The following ERBB2 variants were observed in gnomAD, a reference collection of about 807,000 sequenced individuals.
ERBB2 encodes the protein erb-b2 receptor tyrosine kinase 2, also known as receptor tyrosine-protein kinase erbB-2.
ERBB2 carries 61 observed loss-of-function variants against 149.0 expected under a neutral mutation model. The observed-to-expected ratio is 0.41, with a 90% CI of 0.33 to 0.51. ERBB2 has a LOEUF of 0.51. Among genes scored for constraint, ERBB2 ranks in the 20% least tolerant of loss-of-function variants. The pLI is 0.25. For missense variants in ERBB2, 1,205 were observed against 1,655.1 expected, an observed-to-expected ratio of 0.73 and a Z score of 4.72; for synonymous variants, 633 against 678.8, an observed-to-expected ratio of 0.93 and a Z score of 1.05.
In ERBB2 at chr17:39,727,948, C is replaced by G. The variant is rs1383206442; in HGVS notation, c.3672C>G (p.Asp1224Glu). The change falls in exon 27 of 27, where the codon GAC becomes GAG. Residue 1224 changes from aspartate (D) to glutamate (E), a missense_variant. By Grantham distance (45) the Asp-to-Glu change is conservative (BLOSUM62 2). Transcript: ENST00000269571. This position sits in a 1 kb window ranked among gnomAD's most constrained non-coding sequence, Gnocchi z 4.3. ...SPAFDNLYYW[D>E]QDPPERGAPP... ...CCTTCGACAACCTCTATTACTGGGA[C>G]CAGGACCCACCAGAGCGGGGGGCTC... 1 of 1,614,042 alleles carries G rather than the reference C, an allele frequency of 6.2e-7. No individual in the cohort carries two copies.
At chr17:39,712,230 AG>A in intron 8 of ERBB2, 91 bp from the exon 9 acceptor site, 1 of 1,564,122 alleles carries the variant, frequency 6.4e-7, no homozygotes. Flanking sequence ...CAGTGTGGGG[AG>A]GGGCCCGGAC....
Position 39,716,209 on chromosome 17 carries a change from G to A in ERBB2, c.1514-92G>A, listed in dbSNP as rs1465805142. 13 of 1,405,020 alleles carry A rather than the reference G, an allele frequency of 9.3e-6. No homozygotes were observed. In the East Asian group the frequency reaches 3.0e-4, roughly 32 times the overall value. 87.0% of individuals were successfully genotyped at this position (1,405,020 alleles called of 1,614,324 possible). ...GGCCCCACCTGTCCCCACCCCTCCA[G>A]CCCACAGCCATGCCCACAGCCAGTT... On this transcript the variant is annotated intron_variant, in intron 12 of 26. Transcript: ENST00000269571.
chr17:39,695,695 G>GTGCA (rs1178527539), upstream of ERBB2, among the ~76,000 whole-genome samples: 2 of 90,934 alleles, frequency 2.2e-5, no homozygotes, highest in South Asian at 3.6e-4. Context: ...GGAGACTTTG[G>GTGCA]TGCATGCATA....
At chr17:39,697,354 GT>G (rs60262818), upstream of ERBB2, among the ~76,000 whole-genome samples, 1,760 of 122,082 alleles carry the variant, frequency 0.014, 36 homozygotes, top group African/African-American at 0.034. Context: ...TTTTTGTTTT[GT>G]TTTTTTTTTT....
chr17:39,694,281 ATATATATACACATATATATGTG>A (rs2057804122), upstream of ERBB2, among the ~76,000 whole-genome samples: 1 of 57,464 alleles, frequency 1.7e-5, no homozygotes, highest in African/African-American at 5.4e-5. Flanking sequence ...GTGTATATAT[ATATATATACACATATATATGTG>A]TATATATATA....
chr17:39,723,325 G>C lies in ERBB2; in HGVS notation c.1953G>C (p.Leu651=), dbSNP rs1381740076. 6.2e-7 allele frequency: 1 copy of C among 1,613,842 alleles called. No homozygotes were observed. The highest frequency in any genetic ancestry group is 2.2e-5 in the East Asian group (1 of 44,862). ...GCPAEQRASP[L]TSIISAVVGI... ...CCCTGGCTTCCGCCCCCAGCCCTCTGACGTCCATCATCTCTGCGGTGGTTG... is the reference window on the plus strand; with the variant it reads ...CCCTGGCTTCCGCCCCCAGCCCTCTCACGTCCATCATCTCTGCGGTGGTTG... Residue 651 remains leucine, a synonymous_variant, in exon 17 of 27, where the codon CTG becomes CTC. Transcript: ENST00000269571. The surrounding 1 kb of genome is among the most constrained non-coding windows in gnomAD (Gnocchi z 6.2).
In ERBB2 at chr17:39,726,663, C is replaced by T. The variant is rs1227322516; in HGVS notation, c.2970+4C>T. 3 of 1,613,648 alleles carry T rather than the reference C, an allele frequency of 1.9e-6. No homozygotes were observed. Among genetic ancestry groups the T allele is most frequent in the Non-Finnish European group, 2.5e-6 (3 of 1,179,598 alleles). On this transcript the variant is annotated splice_donor_region_variant and intron_variant, in intron 24 of 26. Transcript: ENST00000269571. The surrounding 1 kb of genome is among the most constrained non-coding windows in gnomAD (Gnocchi z 5.1). ...CCAGCGCTTTGTGGTCATCCAGGTA[C>T]TGGGCCTCTGTGCCCCATCCCTGCC... is the stretch of plus-strand genomic sequence containing the variant.
Position 39,726,967 on chromosome 17 carries a change from C to A in ERBB2, c.3123C>A (p.Gly1041=), listed in dbSNP as rs1461498927. 6.2e-7 allele frequency: 1 copy of A among 1,609,770 alleles called. No homozygotes were observed. The highest frequency in any genetic ancestry group is 8.5e-7 in the Non-Finnish European group (1 of 1,178,376). The change falls in exon 25 of 27, where the codon GGC becomes GGA. Residue 1041 remains glycine, a synonymous_variant. Transcript: ENST00000269571. The surrounding 1 kb of genome is among the most constrained non-coding windows in gnomAD (Gnocchi z 5.1). ...FCPDPAPGAG[G]MVHHRHRSSS... Reference sequence around the variant, plus strand: ...CAGACCCTGCCCCGGGCGCTGGGGGCATGGTCCACCACAGGCACCGCAGCT... The same window carrying A: ...CAGACCCTGCCCCGGGCGCTGGGGGAATGGTCCACCACAGGCACCGCAGCT...
chr17:39,712,247 T>C (rs1300980458), intron 8 of ERBB2, 75 bp from the exon 9 acceptor site: 1 of 1,597,850 alleles, frequency 6.3e-7, no homozygotes, highest in Admixed American at 1.7e-5. Flanking sequence ...CGGACCCTGA[T>C]GCTCATGTGG....
At chr17:39,691,959 C>T (rs181058740), upstream of ERBB2, among the ~76,000 whole-genome samples, 1 of 88,990 alleles carries the variant, frequency 1.1e-5, no homozygotes, top group Non-Finnish European at 2.4e-5. Context: ...ATATATATAT[C>T]TCTTGTGTCT....
Position 39,727,350 on chromosome 17 carries a change from G to C in ERBB2, c.3215G>C (p.Arg1072Thr), listed in dbSNP as rs1178111397. Residue 1072 changes from arginine (R) to threonine (T), a missense_variant, in exon 26 of 27, where the codon AGG becomes ACG. Around this residue, in one of 6 missense-constraint regions of ERBB2, gnomAD observed 312 missense variants for 343.8 expected, o/e 0.91. Coordinates refer to ENST00000269571, the MANE Select transcript of ERBB2 (RefSeq NM_004448.4). This position sits in a 1 kb window ranked among gnomAD's most constrained non-coding sequence, Gnocchi z 4.3. Reference protein sequence around the residue: ...GLEPSEEEAPRSPLAPSEGAG... With the variant: ...GLEPSEEEAPTSPLAPSEGAG... ...GAGCCCTCTGAAGAGGAGGCCCCCA[G>C]GTCTCCACTGGCACCCTCCGAAGGG... The C allele has an allele frequency of 3.4e-5, 55 of 1,612,136 alleles. No homozygotes were observed. Among genetic ancestry groups the C allele is most frequent in the Non-Finnish European group, 4.6e-5 (54 of 1,179,456 alleles).
Position 39,727,161 on chromosome 17 carries a change from C to T in ERBB2, c.3160-134C>T. 2 of 1,267,638 alleles carry T rather than the reference C, an allele frequency of 1.6e-6. No individual in the cohort carries two copies. Among genetic ancestry groups the T allele is most frequent in the East Asian group, 2.3e-5 (1 of 42,914 alleles). 78.5% of individuals were successfully genotyped at this position (1,267,638 alleles called of 1,614,324 possible). Reference sequence around the variant, plus strand: ...TACTGCCTTCCAACCCCTGTGACCCCATTCTCTCCACGGTGACTGTGTCAT... The same window carrying T: ...TACTGCCTTCCAACCCCTGTGACCCTATTCTCTCCACGGTGACTGTGTCAT... On this transcript the variant is annotated intron_variant, in intron 25 of 26. Coordinates refer to ENST00000269571, the MANE Select transcript of ERBB2 (RefSeq NM_004448.4). This position sits in a 1 kb window ranked among gnomAD's most constrained non-coding sequence, Gnocchi z 4.3.
At chr17:39,703,368 G>A (rs1360408237) in intron 1 of ERBB2, 1 of 152,290 alleles carries the variant, frequency 6.6e-6, no homozygotes, top group East Asian at 1.9e-4. Context: ...CCCCTCTAGA[G>A]TGACATCTCC....
chr17:39,716,916 C>A (rs1597875530), intron 14 of ERBB2: 1 of 478,218 alleles, frequency 2.1e-6, no homozygotes, highest in Non-Finnish European at 3.8e-6. Flanking sequence ...CTGCTTCCAA[C>A]CTTGGTTTTT....
At chr17:39,718,615 T>G (rs543087338) in intron 15 of ERBB2, among the ~76,000 whole-genome samples, 1 of 152,016 alleles carries the variant, frequency 6.6e-6, no homozygotes, top group South Asian at 2.1e-4. Context: ...CTGGCCAACA[T>G]AGCGAGACCC....
At chr17:39,703,049 A>G (rs2145325718) in intron 1 of ERBB2, 1 of 152,452 alleles carries the variant, frequency 6.6e-6, no homozygotes, top group Non-Finnish European at 1.5e-5. Context: ...TAGGCTGTAG[A>G]AAGTGGAGCT....
Position 39,725,363 on chromosome 17 carries a change from C to G in ERBB2, c.2686C>G (p.Arg896Gly), listed in dbSNP as rs758222990. ...IKWMALESIL[R>G]RRFTHQSDVW... ...GTGGATGGCGCTGGAGTCCATTCTC[C>G]GCCGGCGGTTCACCCACCAGAGTGA... The change falls in exon 22 of 27, where the codon CGC (arginine) becomes GGC (glycine). Residue 896 changes from arginine (R) to glycine (G), a missense_variant. Physicochemically the swap from Arg to Gly is moderately radical, Grantham distance 125. Coordinates refer to ENST00000269571, the MANE Select transcript of ERBB2 (RefSeq NM_004448.4). The surrounding 1 kb of genome is among the most constrained non-coding windows in gnomAD (Gnocchi z 4.6). 1 of 1,613,784 alleles carries G rather than the reference C, an allele frequency of 6.2e-7. No individual in the cohort carries two copies.
chr17:39,703,235 T>C (rs1230410654), intron 1 of ERBB2: 1 of 152,070 alleles, frequency 6.6e-6, no homozygotes, highest in East Asian at 1.9e-4. Flanking sequence ...AGTGTCAGCG[T>C]GAGGGGCCAG....
rs2145642496 is a variant in ERBB2 at position 39,715,544 on chromosome 17, C to T, written c.1313+8C>T. On this transcript the variant is annotated splice_region_variant and intron_variant, in intron 11 of 26. Transcript: ENST00000269571. ...GGGACGAATTCTGCACAAGTGAGCA[C>T]TGAGAAAGAGGGGGCCTGATGGGGA... The T allele has an allele frequency of 6.2e-7, 1 of 1,613,804 alleles. No individual in the cohort carries two copies. Among genetic ancestry groups the T allele is most frequent in the Non-Finnish European group, 8.5e-7 (1 of 1,179,692 alleles).
Sources: allele counts gnomAD v4.1 joint callset (sites outside exome capture counted in the v4.1 genomes callset), GRCh38; gene constraint gnomAD v4.1.1; regional missense constraint gnomAD v4.1.1; non-coding constraint Gnocchi (gnomAD v3.1); transcripts MANE v1.5; gene names NCBI Gene and HGNC (gene_info 2026-07-23, HGNC 2026-07-21).